The following ZNF462 variants were observed in gnomAD, a reference collection of about 807,000 sequenced individuals.
ZNF462 encodes zinc finger protein 462, also known as zinc finger PBX1-interacting protein.
In ZNF462, 10 loss-of-function variants were observed where a neutral mutation model predicts 201.9. That is an observed-to-expected ratio of 0.05 (90% CI 0.03 to 0.08). The LOEUF is 0.08. Ranked by LOEUF, ZNF462 falls within the 10% of genes least tolerant of loss-of-function variation. The probability of loss-of-function intolerance (pLI) is 1.00; values close to 1 mark genes in which losing one functional copy is unlikely to be tolerated. For synonymous variants in ZNF462, 1,227 were observed against 1,193.3 expected (o/e 1.03, Z -0.58); for missense variants, 2,523 against 3,168.3 (o/e 0.80, Z 4.89).
chr9:107,000,219 G>A (rs1189526055), intron 10 of ZNF462, among the ~76,000 whole-genome samples: 1 of 151,974 alleles, frequency 6.6e-6, no homozygotes, highest in Non-Finnish European at 1.5e-5. Context: ...GTGGGAGCAA[G>A]GGGGAGCCTA....
Position 106,989,954 on chromosome 9 carries a change from T to C in ZNF462, c.7056+5545T>C, listed in dbSNP as rs1828141476. Among the ~76,000 whole-genome samples, 3 of 152,088 alleles carry C rather than the reference T, an allele frequency of 2.0e-5. No individual in the cohort carries two copies. In the South Asian group the frequency reaches 6.2e-4, roughly 32 times the overall value. On this transcript the variant is annotated intron_variant, in intron 10 of 12. Coordinates refer to ENST00000277225, the MANE Select transcript of ZNF462 (RefSeq NM_021224.6). ...TTCTTTTCTTGGTTAATCTTGCTAA[T>C]GGTCTATCAATTTTATTTATCTTTT...
chr9:106,903,244 C>G (rs189227168), intron 1 of ZNF462, among the ~76,000 whole-genome samples: 127 of 152,122 alleles, frequency 8.3e-4, no homozygotes, highest in Non-Finnish European at 2.6e-4. Context: ...TTGGAAGGTT[C>G]CTTTTGGAAT....
rs1462295289 is a variant in ZNF462, at chr9:106,885,787, G to C, written c.-31+22432G>C. Among the ~76,000 whole-genome samples, 1 of 152,190 alleles carries C rather than the reference G, an allele frequency of 6.6e-6. No homozygotes were observed. The highest frequency in any genetic ancestry group is 1.5e-5 in the Non-Finnish European group (1 of 68,028). On this transcript the variant is annotated intron_variant, in intron 1 of 12. Transcript: ENST00000277225. This position sits in a 1 kb window ranked among gnomAD's most constrained non-coding sequence, Gnocchi z 4.1. ...AAGGACAACTTGAAGTGGCTATCTT[G>C]CACATGGGACTGATGTTGAGGACTG...
chr9:106,958,544 G>T lies in ZNF462; in HGVS notation c.6428-13461G>T, dbSNP rs77347585. ...AAATTATTTTGTAGATCTATAGTGG[G>T]AAGAAAGCACCTCTCAGCACAGAGC... On this transcript the variant is annotated intron_variant, in intron 7 of 12. Transcript: ENST00000277225. Among the ~76,000 whole-genome samples, 976 of 152,070 alleles carry T rather than the reference G, an allele frequency of 6.4e-3. 19 individuals carry two copies. The East Asian group carries it at 0.065, about 10-fold the overall frequency.
intron 7 of ZNF462, among the ~76,000 whole-genome samples, chr9:106,959,160 A>G (rs533477539): frequency 3.3e-5 from 5 of 152,146 alleles, no homozygotes; most frequent in African/African-American, 1.2e-4. Flanking sequence ...AAGTCCCACA[A>G]TCAATCCCCT....
At chr9:106,879,329 T>TCC (rs1321110689) in intron 1 of ZNF462, among the ~76,000 whole-genome samples, 2,342 of 74,158 alleles carry the variant, frequency 0.032, 2 homozygotes, top group African/African-American at 0.063. Flanking sequence ...AGAGATGCTT[T>TCC]CCACCCCCCC....
chr9:106,947,665 T>C (rs556556460), intron 7 of ZNF462, among the ~76,000 whole-genome samples: 77 of 152,324 alleles, frequency 5.1e-4, no homozygotes, highest in Middle Eastern at 3.4e-3. Flanking sequence ...TTAATCTCAT[T>C]TGAAAGAGAA....
At position 106,927,012 on chromosome 9, in the gene ZNF462, G is replaced by A; in HGVS notation, c.3100G>A (p.Val1034Ile). 1 of 1,614,172 alleles carries A rather than the reference G, an allele frequency of 6.2e-7. No homozygotes were observed. The highest frequency in any genetic ancestry group is 1.7e-5 in the Admixed American group (1 of 60,028). Residue 1034 changes from valine (V) to isoleucine (I), a missense_variant, in exon 3 of 13, where the codon GTT (valine) becomes ATT (isoleucine). Val to Ile is a conservative substitution (Grantham distance 29, BLOSUM62 3). Transcript: ENST00000277225. ...VNTVVVYDCD[V>I]CSFASPNMHS... ...CACTGTTGTTGTTTATGATTGTGAT[G>A]TTTGTTCGTTTGCAAGCCCCAACAT...
In ZNF462 at chr9:106,932,393, G is replaced by A. The variant is rs780022073; in HGVS notation, c.6013-53G>A. On this transcript the variant is annotated intron_variant, in intron 4 of 12. Coordinates refer to ENST00000277225, the MANE Select transcript of ZNF462 (RefSeq NM_021224.6). This position sits in a 1 kb window ranked among gnomAD's most constrained non-coding sequence, Gnocchi z 6.8. ...GATGGAATGTTGGAGGATGAAACCC[G>A]GCCGGGGGGATACCATTGCAGTCAA... is the stretch of plus-strand genomic sequence containing the variant. The A allele has an allele frequency of 3.6e-5, 58 of 1,613,130 alleles. No homozygotes were observed. The highest frequency in any genetic ancestry group is 3.9e-5 in the Non-Finnish European group (46 of 1,179,620).
In ZNF462 at chr9:106,981,349, G is replaced by A. The variant is rs1827416104; in HGVS notation, c.6833-2837G>A. 6.6e-6 allele frequency among the ~76,000 whole-genome samples: 1 copy of A among 152,188 alleles called. No individual in the cohort carries two copies. The highest frequency in any genetic ancestry group is 1.5e-5 in the Non-Finnish European group (1 of 68,034). ...GCTTATAAGCACACACATACAGACT[G>A]GAGAGTTCTTATCAGGGGTCCAAGA... On this transcript the variant is annotated intron_variant, in intron 9 of 12. Coordinates refer to ENST00000277225, the MANE Select transcript of ZNF462 (RefSeq NM_021224.6). This position sits in a 1 kb window ranked among gnomAD's most constrained non-coding sequence, Gnocchi z 4.0.
chr9:107,001,561 A>T (rs1318755276), intron 10 of ZNF462, among the ~76,000 whole-genome samples: 1 of 152,166 alleles, frequency 6.6e-6, no homozygotes, highest in Non-Finnish European at 1.5e-5. Flanking sequence ...GCATTTTCTT[A>T]TGCTATCCCT....
chr9:106,948,761 T>C (rs1457307904), intron 7 of ZNF462, among the ~76,000 whole-genome samples: 1 of 152,062 alleles, frequency 6.6e-6, no homozygotes, highest in Non-Finnish European at 1.5e-5. Flanking sequence ...CATGACTTAC[T>C]ATAGCTTTGA....
chr9:106,939,581 C>T (rs1830779937), intron 7 of ZNF462, among the ~76,000 whole-genome samples: 3 of 152,126 alleles, frequency 2.0e-5, no homozygotes, highest in Non-Finnish European at 4.4e-5. Context: ...GACTGAGCCA[C>T]GTGATACCTT....
At chr9:106,994,268 G>A (rs374211404) in intron 10 of ZNF462, among the ~76,000 whole-genome samples, 355 of 152,174 alleles carry the variant, frequency 2.3e-3, no homozygotes, top group African/African-American at 8.0e-3. Context: ...CCAGTTTGGG[G>A]AAAACAGCAA....
In ZNF462 at chr9:106,880,118, C is replaced by T. The variant is rs1325124579; in HGVS notation, c.-31+16763C>T. ...TAGGAATGGGACAAACAGAGTTGCT[C>T]GTAACCACCAAGAGCCCTCTCAATT... On this transcript the variant is annotated intron_variant, in intron 1 of 12. Transcript: ENST00000277225. This position sits in a 1 kb window ranked among gnomAD's most constrained non-coding sequence, Gnocchi z 4.1. 3.3e-5 allele frequency among the ~76,000 whole-genome samples: 5 copies of T among 152,108 alleles called. No homozygotes were observed. Among genetic ancestry groups the T allele is most frequent in the Admixed American group, 3.3e-4 (5 of 15,264 alleles).
At position 106,938,367 on chromosome 9, in the gene ZNF462, T is replaced by C. The variant is rs1357780532; in HGVS notation, c.6236-549T>C. 6.6e-6 allele frequency among the ~76,000 whole-genome samples: 1 copy of C among 152,192 alleles called. No individual in the cohort carries two copies. Among genetic ancestry groups the C allele is most frequent in the Non-Finnish European group, 1.5e-5 (1 of 68,034 alleles). On this transcript the variant is annotated intron_variant, in intron 6 of 12. Transcript: ENST00000277225. The surrounding 1 kb of genome is among the most constrained non-coding windows in gnomAD (Gnocchi z 4.4). ...GAGTTCTATGCTGAGGTTTATGAAC[T>C]GGTCCAAAAATATATATATGTGGGA...
In ZNF462 at chr9:106,925,162, T is replaced by C; in HGVS notation, c.1250T>C (p.Met417Thr). 6.2e-7 allele frequency: 1 copy of C among 1,614,210 alleles called. No homozygotes were observed. ...QTSGLSAEQL[M>T]GSDGNKLLET... ...TCAGGCCTGTCTGCAGAGCAGCTGA[T>C]GGGCTCAGATGGCAACAAATTATTG... Residue 417 changes from methionine (M) to threonine (T), a missense_variant, in exon 3 of 13, where the codon ATG (methionine) becomes ACG (threonine). Met to Thr is a moderately conservative substitution (Grantham distance 81, BLOSUM62 -1). Coordinates refer to ENST00000277225, the MANE Select transcript of ZNF462 (RefSeq NM_021224.6). This position sits in a 1 kb window ranked among gnomAD's most constrained non-coding sequence, Gnocchi z 7.9.
At chr9:106,889,951 C>T (rs1828503317) in intron 1 of ZNF462, among the ~76,000 whole-genome samples, 1 of 152,226 alleles carries the variant, frequency 6.6e-6, no homozygotes, top group African/African-American at 2.4e-5. Flanking sequence ...GATTAGAGTG[C>T]AGGGTAACTG....
chr9:106,939,061 C>G lies in ZNF462; in HGVS notation c.6381C>G (p.His2127Gln). The change falls in exon 7 of 13, where the codon CAC becomes CAG. Residue 2127 changes from histidine (H) to glutamine (Q), a missense_variant. Physicochemically the swap from His to Gln is conservative, Grantham distance 24. Transcript: ENST00000277225. ...IVSLLSSHSH[H>Q]SSQKATPAEE... ...GTCTCCTCTCCTCACACTCCCACCA[C>G]TCCTCCCAAAAAGCTACCCCGGCTG... 6.2e-7 allele frequency: 1 copy of G among 1,612,848 alleles called. No homozygotes were observed.
Sources: gnomAD v4.1 joint callset for allele counts (sites outside exome capture counted in the v4.1 genomes callset) on GRCh38, gnomAD v4.1.1 for gene constraint, Gnocchi (gnomAD v3.1) non-coding constraint, MANE v1.5 for transcripts, NCBI Gene and HGNC (gene_info 2026-07-23, HGNC 2026-07-21) for gene names.